SETBP1: variants seen among roughly 807,000 people sequenced by gnomAD.
SETBP1 encodes SET binding protein 1.
A neutral mutation model predicts 101.0 loss-of-function variants in SETBP1; 9 were observed. That is an observed-to-expected ratio of 0.09 (90% CI 0.05 to 0.16). SETBP1 has a LOEUF of 0.16. Ranked by LOEUF, SETBP1 falls within the 10% of genes least tolerant of loss-of-function variation. The pLI is 1.00. For missense variants in SETBP1, 1,858 were observed against 2,033.8 expected (o/e 0.91, Z 1.66); for synonymous variants, 818 against 788.5 (o/e 1.04, Z -0.63).
intron 3 of SETBP1, among the ~76,000 whole-genome samples, chr18:44,903,001 A>G (rs1047049005): frequency 6.6e-6 from 1 of 152,180 alleles, no homozygotes; most frequent in East Asian, 1.9e-4. Context: ...ATTCAAATAT[A>G]GCTGAAATTT....
chr18:44,942,855 G>T, intron 3 of SETBP1, among the ~76,000 whole-genome samples: 1 of 152,144 alleles, frequency 6.6e-6, no homozygotes, highest in East Asian at 1.9e-4. Flanking sequence ...TTCAGTAAAA[G>T]AAGTGCTCTA....
chr18:44,798,055 C>T (rs1010042757), intron 2 of SETBP1, among the ~76,000 whole-genome samples: 3 of 152,162 alleles, frequency 2.0e-5, no homozygotes, highest in East Asian at 1.9e-4. Flanking sequence ...TGGACCCAAA[C>T]GCTATGGATG....
At position 44,949,911 on chromosome 18, in the gene SETBP1, C is replaced by G; in HGVS notation, c.571C>G (p.Leu191Val). 1 of 1,613,874 alleles carries G rather than the reference C, an allele frequency of 6.2e-7. No individual in the cohort carries two copies. The highest frequency in any genetic ancestry group is 8.5e-7 in the Non-Finnish European group (1 of 1,180,010). The change falls in exon 4 of 6, where the codon CTC becomes GTC. Residue 191 changes from leucine (L) to valine (V), a missense_variant. Physicochemically the swap from Leu to Val is conservative, Grantham distance 32 (BLOSUM62 1). Transcript: ENST00000649279. Reference protein sequence around the residue: ...AYERPQKHSTLHYDTGLPQDF... With the variant: ...AYERPQKHSTVHYDTGLPQDF... ...CGAGAGGCCCCAGAAACATTCAACT[C>G]TCCATTATGACACGGGCCTCCCACA...
chr18:44,765,133 G>A lies in SETBP1; in HGVS notation c.486+63301G>A, dbSNP rs866787002. Among the ~76,000 whole-genome samples, 66 of 152,224 alleles carry A rather than the reference G, an allele frequency of 4.3e-4. 1 individual carries two copies. The highest frequency in any genetic ancestry group is 1.4e-3 in the African/African-American group (60 of 41,526). The stretch of plus-strand genomic sequence containing the variant: ...CCAGGTTTTGCCGCAAACAAGCTCC[G>A]TGTTACGAAATTCACCTAGAGCTCA... On this transcript the variant is annotated intron_variant, in intron 2 of 5. Coordinates refer to ENST00000649279, the MANE Select transcript of SETBP1 (RefSeq NM_015559.3).
Position 44,917,633 on chromosome 18 carries a change from G to C in SETBP1, c.541-32248G>C, listed in dbSNP as rs541352599. 2.0e-5 allele frequency among the ~76,000 whole-genome samples: 3 copies of C among 152,234 alleles called. No individual in the cohort carries two copies. In the East Asian group the frequency reaches 5.8e-4, roughly 29 times the overall value. Reference sequence around the variant, plus strand: ...ATGCCTCCCCATCCACCCCCAGCAGGAGGGTTGGAGCTCTGCCTCCTCGAG... The same window carrying C: ...ATGCCTCCCCATCCACCCCCAGCAGCAGGGTTGGAGCTCTGCCTCCTCGAG... On this transcript the variant is annotated intron_variant, in intron 3 of 5. Transcript: ENST00000649279.
At chr18:44,879,999 TC>T (rs1473834042) in intron 3 of SETBP1, among the ~76,000 whole-genome samples, 8 of 152,212 alleles carry the variant, frequency 5.3e-5, no homozygotes, top group Admixed American at 5.2e-4. Context: ...GGCCCAGTAA[TC>T]CTCTCCACAT....
intron 2 of SETBP1, among the ~76,000 whole-genome samples, chr18:44,737,339 G>C (rs2069990926): frequency 1.3e-5 from 2 of 152,176 alleles, no homozygotes; most frequent in Admixed American, 1.3e-4. Context: ...AGCCCACTTG[G>C]ATACAGATGC....
chr18:44,856,397 G>A (rs1481470293), intron 2 of SETBP1, among the ~76,000 whole-genome samples: 3 of 152,170 alleles, frequency 2.0e-5, no homozygotes, highest in African/African-American at 7.2e-5. Flanking sequence ...GTCACTGCCC[G>A]ATTTTTTGCC....
chr18:44,894,446 T>C lies in SETBP1; in HGVS notation c.540+25163T>C, dbSNP rs117919863. Among the ~76,000 whole-genome samples, 110 of 152,166 alleles carry C rather than the reference T, an allele frequency of 7.2e-4. 2 individuals carry two copies. In the East Asian group the frequency reaches 0.02, roughly 28 times the overall value. ...GTAGCAATGTCCTTAATTGAGGTAG[T>C]AATATTGGGCTTGTTGGATTGTCAT... On this transcript the variant is annotated intron_variant, in intron 3 of 5. Coordinates refer to ENST00000649279, the MANE Select transcript of SETBP1 (RefSeq NM_015559.3).
intron 4 of SETBP1, among the ~76,000 whole-genome samples, chr18:45,037,654 G>A (rs886409905): frequency 6.6e-6 from 1 of 152,150 alleles, no homozygotes; most frequent in Non-Finnish European, 1.5e-5. Flanking sequence ...TGGGAATGCA[G>A]AATAGCTCTT....
chr18:44,950,228 C>T lies in SETBP1; in HGVS notation c.888C>T (p.His296=). 6.2e-7 allele frequency: 1 copy of T among 1,613,986 alleles called. No individual in the cohort carries two copies. Among genetic ancestry groups the T allele is most frequent in the Non-Finnish European group, 8.5e-7 (1 of 1,180,038 alleles). Reference sequence around the variant, plus strand: ...GTGTGGCTCCATCCCCAAGCAGCCACAGCTCACCAGCCCCACCCAGCAGCT... The same window carrying T: ...GTGTGGCTCCATCCCCAAGCAGCCATAGCTCACCAGCCCCACCCAGCAGCT... ...LGGVAPSPSS[H]SSPAPPSSSA... is the part of the protein sequence containing the mutation. Residue 296 remains histidine (H), a synonymous_variant, in exon 4 of 6, where the codon CAC becomes CAT. Transcript: ENST00000649279.
At chr18:44,934,950 C>T (rs755838935) in intron 3 of SETBP1, among the ~76,000 whole-genome samples, 7 of 152,180 alleles carry the variant, frequency 4.6e-5, no homozygotes, top group Non-Finnish European at 8.8e-5. Context: ...TAGGAGATTC[C>T]AAAGGCAGTG....
chr18:45,036,520 G>A (rs976176173), intron 4 of SETBP1, among the ~76,000 whole-genome samples: 2 of 152,040 alleles, frequency 1.3e-5, no homozygotes, highest in African/African-American at 2.4e-5. Flanking sequence ...TACAAACAAG[G>A]CATATTATAC....
chr18:44,950,135 T>C lies in SETBP1; in HGVS notation c.795T>C (p.Gly265=). ...EPVASFAKAQ[G]KKGSAGNTWS... is the part of the protein sequence containing the mutation. Reference sequence around the variant, plus strand: ...TGGCTTCCTTTGCAAAGGCCCAGGGTAAGAAAGGCAGTGCAGGGAACACGT... The same window carrying C: ...TGGCTTCCTTTGCAAAGGCCCAGGGCAAGAAAGGCAGTGCAGGGAACACGT... The change falls in exon 4 of 6, where the codon GGT becomes GGC. Residue 265 remains glycine (G), a synonymous_variant. Transcript: ENST00000649279. The C allele has an allele frequency of 6.2e-7, 1 of 1,613,774 alleles. No individual in the cohort carries two copies. Among genetic ancestry groups the C allele is most frequent in the Non-Finnish European group, 8.5e-7 (1 of 1,180,026 alleles).
At chr18:44,917,717 G>T (rs1470662188) in intron 3 of SETBP1, among the ~76,000 whole-genome samples, 3 of 152,124 alleles carry the variant, frequency 2.0e-5, no homozygotes, top group South Asian at 2.1e-4. Context: ...CCTCAAGCCT[G>T]CCAGTGTCTG....
intron 2 of SETBP1, among the ~76,000 whole-genome samples, chr18:44,861,449 G>A (rs1356977016): frequency 6.6e-6 from 1 of 151,450 alleles, no homozygotes; most frequent in South Asian, 2.1e-4. Context: ...AGCCAGGATG[G>A]TCTCAATCTC....
chr18:44,999,402 A>T (rs528745064), intron 4 of SETBP1, among the ~76,000 whole-genome samples: 11 of 152,368 alleles, frequency 7.2e-5, no homozygotes, highest in South Asian at 4.1e-4. Context: ...TCTCATTTTA[A>T]TCACTCCTGT....
At chr18:44,936,311 A>C (rs1412059405) in intron 3 of SETBP1, among the ~76,000 whole-genome samples, 1 of 152,162 alleles carries the variant, frequency 6.6e-6, no homozygotes, top group African/African-American at 2.4e-5. Flanking sequence ...GAACAGTGAA[A>C]TCTGGAGGCC....
At chr18:45,057,508 T>C (rs1032836061) in intron 5 of SETBP1, among the ~76,000 whole-genome samples, 10 of 152,156 alleles carry the variant, frequency 6.6e-5, no homozygotes, top group Middle Eastern at 3.2e-3. Flanking sequence ...CTGGGAACTC[T>C]GGAAGTAGAG....
Sources: gnomAD v4.1 joint callset for allele counts (sites outside exome capture counted in the v4.1 genomes callset) on GRCh38, gnomAD v4.1.1 for gene constraint, MANE v1.5 for transcripts, NCBI Gene and HGNC (gene_info 2026-07-23, HGNC 2026-07-21) for gene names.